Variants in SLC11A1 observed in about 807,000 individuals in gnomAD.
SLC11A1 encodes solute carrier family 11 member 1.
Under a neutral mutation model 63.2 loss-of-function variants are expected in SLC11A1, and 59 were observed. That is an observed-to-expected ratio of 0.93 (90% CI 0.76 to 1.16). The LOEUF is 1.16. SLC11A1 is among the 50% of genes most tolerant of loss of function. SLC11A1 has a pLI of 0.00. For synonymous variants in SLC11A1, 305 were observed against 307.8 expected (o/e 0.99, Z 0.09); for missense variants, 688 against 730.7 (o/e 0.94, Z 0.67).
rs375398198 is a variant in SLC11A1 at position 218,393,010 on chromosome 2, C to T, written c.1194C>T (p.Phe398=). The change falls in exon 12 of 15, where the codon TTC becomes TTT. Residue 398 remains phenylalanine, a synonymous_variant. Coordinates refer to ENST00000233202, the MANE Select transcript of SLC11A1 (RefSeq NM_000578.4). ...EGFLRLRWSR[F]ARVLLTRSCA... is the part of the protein sequence containing the mutation. ...TCCTGAGGCTGCGGTGGTCACGCTT[C>T]GCCCGTGTCCTCCTCACCCGCTCCT... 2.2e-4 allele frequency: 352 copies of T among 1,595,946 alleles called. No individual in the cohort carries two copies. The highest frequency in any genetic ancestry group is 2.8e-4 in the Non-Finnish European group (330 of 1,174,428).
chr2:218,389,919 T>C lies in SLC11A1; in HGVS notation c.845T>C (p.Met282Thr), dbSNP rs1696333108. The C allele has an allele frequency of 6.2e-7, 1 of 1,613,934 alleles. No individual in the cohort carries two copies. The highest frequency in any genetic ancestry group is 1.3e-5 in the African/African-American group (1 of 74,898). Reference protein sequence around the residue: ...ARRADIREANMYFLIEATIAL... With the variant: ...ARRADIREANTYFLIEATIAL... ...CGAGCAGACATCAGAGAAGCCAACA[T>C]GTACTTCCTGATTGAGGCCACCATC... Residue 282 changes from methionine to threonine, a missense_variant, in exon 9 of 15, where the codon ATG becomes ACG. By Grantham distance (81) the Met-to-Thr change is moderately conservative (BLOSUM62 -1). Coordinates refer to ENST00000233202, the MANE Select transcript of SLC11A1 (RefSeq NM_000578.4).
At position 218,384,951 on chromosome 2, in the gene SLC11A1, G is replaced by T; in HGVS notation, c.274-196G>T. On this transcript the variant is annotated intron_variant, in intron 3 of 14. Coordinates refer to ENST00000233202, the MANE Select transcript of SLC11A1 (RefSeq NM_000578.4). This position sits in a 1 kb window ranked among gnomAD's most constrained non-coding sequence, Gnocchi z 4.0. ...TTGCTCAGGCTGCTCTTGAACTCCT[G>T]GACTCAAGCAATCCTCCCACCTTAG... 1.7e-6 allele frequency: 1 copy of T among 590,112 alleles called. No homozygotes were observed. Among genetic ancestry groups the T allele is most frequent in the Non-Finnish European group, 2.9e-6 (1 of 339,614 alleles). 36.6% of individuals were successfully genotyped at this position (590,112 alleles called of 1,614,324 possible). A position where few individuals can be genotyped will look rare whatever the true frequency, so the allele number is the denominator to read the frequency against.
In SLC11A1 at chr2:218,393,019, C is replaced by T. The variant is rs1242071683; in HGVS notation, c.1203C>T (p.Val401=). Reference sequence around the variant, plus strand: ...TGCGGTGGTCACGCTTCGCCCGTGTCCTCCTCACCCGCTCCTGCGCCATCC... The same window carrying T: ...TGCGGTGGTCACGCTTCGCCCGTGTTCTCCTCACCCGCTCCTGCGCCATCC... ...LRLRWSRFAR[V]LLTRSCAILP... The change falls in exon 12 of 15, where the codon GTC becomes GTT. Residue 401 remains valine (V), a synonymous_variant. Coordinates refer to ENST00000233202, the MANE Select transcript of SLC11A1 (RefSeq NM_000578.4). 1.3e-6 allele frequency: 2 copies of T among 1,598,762 alleles called. No individual in the cohort carries two copies. The highest frequency in any genetic ancestry group is 1.7e-6 in the Non-Finnish European group (2 of 1,175,828).
At chr2:218,387,753 G>T (rs754626068) in intron 7 of SLC11A1, 47 bp from the exon 8 acceptor site, 17 of 1,611,992 alleles carry the variant, frequency 1.1e-5, no homozygotes, top group Non-Finnish European at 1.4e-5. Context: ...TGACCGCGGC[G>T]TGGTTGCGAG....
At chr2:218,391,069 AC>A (rs1285763340) in intron 9 of SLC11A1, 128 bp from the exon 10 acceptor site, 1 of 737,932 alleles carries the variant, frequency 1.4e-6, no homozygotes, top group Non-Finnish European at 2.4e-6. Context: ...TGTTAGCCAA[AC>A]AAAATATGTC....
At position 218,384,142 on chromosome 2, in the gene SLC11A1, C is replaced by A; in HGVS notation, c.151-101C>A. ...ATGGGCCATGGAGGGCAGGGCTGGG[C>A]TGATGAGCCTGTTGGGGCTCCTCTA... On this transcript the variant is annotated intron_variant, in intron 2 of 14. Transcript: ENST00000233202. This position sits in a 1 kb window ranked among gnomAD's most constrained non-coding sequence, Gnocchi z 4.0. 7.6e-7 allele frequency: 1 copy of A among 1,318,370 alleles called. No individual in the cohort carries two copies. The highest frequency in any genetic ancestry group is 1.0e-6 in the Non-Finnish European group (1 of 981,480). The allele number at this position is 1,318,370 out of a possible 1,614,324, so 81.7% of individuals were successfully genotyped here.
In SLC11A1 at chr2:218,394,201, C is replaced by A. The variant is rs775740578; in HGVS notation, c.1388+8C>A. On this transcript the variant is annotated splice_region_variant and intron_variant, in intron 13 of 14. Transcript: ENST00000233202. ...GGAGTTTGCCAATGGCCTGTGAGTA[C>A]CCCCTTTCCCAAGTGCTGGATTGCA... is the stretch of plus-strand genomic sequence containing the variant. 4 of 1,613,488 alleles carry A rather than the reference C, an allele frequency of 2.5e-6. No homozygotes were observed. The highest frequency in any genetic ancestry group is 3.4e-6 in the Non-Finnish European group (4 of 1,179,580).
At chr2:218,394,834 G>A in intron 14 of SLC11A1, 49 bp downstream of exon 14, 1 of 1,608,954 alleles carries the variant, frequency 6.2e-7, no homozygotes, top group Non-Finnish European at 8.5e-7. Context: ...GGAAGGACAA[G>A]AGGCAACCAA....
At chr2:218,385,309 A>G in intron 4 of SLC11A1, 43 bp downstream of exon 4, 6 of 1,612,966 alleles carry the variant, frequency 3.7e-6, no homozygotes, top group Non-Finnish European at 5.1e-6. Context: ...CTGGCCCCAA[A>G]CCCCAAACAG....
At chr2:218,382,897 G>A (rs1375992722) in intron 1 of SLC11A1, 63 bp from the exon 2 acceptor site, 38 of 1,604,776 alleles carry the variant, frequency 2.4e-5, no homozygotes, top group South Asian at 6.6e-5. Flanking sequence ...AGGATCAGGC[G>A]GCTTTAACTC....
At position 218,391,472 on chromosome 2, in the gene SLC11A1, T is replaced by C; in HGVS notation, c.1141T>C (p.Tyr381His). 1 of 1,606,688 alleles carries C rather than the reference T, an allele frequency of 6.2e-7. No homozygotes were observed. Among genetic ancestry groups the C allele is most frequent in the East Asian group, 2.2e-5 (1 of 44,496 alleles). The change falls in exon 11 of 15, where the codon TAC (tyrosine) becomes CAC (histidine). Residue 381 changes from tyrosine (Y) to histidine (H), a missense_variant. Transcript: ENST00000233202. ...GCAGAGCTCCACCATGACGGGCACC[T>C]ACGCGGGACAGTTCGTGATGGAGGT... ...AGQSSTMTGT[Y>H]AGQFVMEGFL...
chr2:218,383,138 T>C, intron 2 of SLC11A1, 36 bp downstream of exon 2: 5 of 1,609,110 alleles, frequency 3.1e-6, no homozygotes, highest in Non-Finnish European at 4.2e-6. Flanking sequence ...GCTTGCAAGA[T>C]TGACAGGATC....
chr2:218,394,539 C>T lies in SLC11A1; in HGVS notation c.1389-93C>T. 7.8e-6 allele frequency: 11 copies of T among 1,406,678 alleles called. No individual in the cohort carries two copies. In the South Asian group the frequency reaches 1.4e-4, roughly 18 times the overall value. 87.1% of individuals were successfully genotyped at this position (1,406,678 alleles called of 1,614,324 possible). A position where few individuals can be genotyped will look rare whatever the true frequency, so the allele number is the denominator to read the frequency against. Reference sequence around the variant, plus strand: ...CAGAGAAGCGGCCTCAGTGTATCCCCACCCCCAGTGTGGGCGCTGGGAGAT... The same window carrying T: ...CAGAGAAGCGGCCTCAGTGTATCCCTACCCCCAGTGTGGGCGCTGGGAGAT... On this transcript the variant is annotated intron_variant, in intron 13 of 14. Transcript: ENST00000233202.
rs1696144711 is a variant in SLC11A1, at chr2:218,387,079, T to G, written c.501-81T>G. ...GGGTCCTGCTCCCAGGAGGCCAGAT[T>G]CCTGTCTCCAGCCCTGAGGCTCCGT... On this transcript the variant is annotated intron_variant, in intron 5 of 14. Transcript: ENST00000233202. 5.3e-6 allele frequency: 7 copies of G among 1,318,486 alleles called. 1 individual carries two copies. The highest frequency in any genetic ancestry group is 1.4e-5 in the African/African-American group (1 of 69,010). The allele number at this position is 1,318,486 out of a possible 1,614,324, so 81.7% of individuals were successfully genotyped here.
intron 13 of SLC11A1, 87 bp downstream of exon 13, chr2:218,394,280 A>C: frequency 7.4e-7 from 1 of 1,346,496 alleles, no homozygotes; most frequent in Non-Finnish European, 1.1e-6. Context: ...AATTCTCCCC[A>C]TTATCCCAAT....
chr2:218,389,885 C>T lies in SLC11A1; in HGVS notation c.811C>T (p.Arg271Trp), dbSNP rs765411619. 2.9e-5 allele frequency: 47 copies of T among 1,611,422 alleles called. No individual in the cohort carries two copies. Among genetic ancestry groups the T allele is most frequent in the East Asian group, 1.1e-4 (5 of 44,868 alleles). The stretch of plus-strand genomic sequence containing the variant: ...ATCTTCGTAGTCTCGAGAGATAGAC[C>T]GGGCCCGCCGAGCAGACATCAGAGA... ...SALVKSREIDRARRADIREAN... is the reference protein window; with the variant it reads ...SALVKSREIDWARRADIREAN... The change falls in exon 9 of 15, where the codon CGG (arginine) becomes TGG (tryptophan). Residue 271 changes from arginine to tryptophan, a missense_variant. Transcript: ENST00000233202.
chr2:218,387,923 C>T lies in SLC11A1; in HGVS notation c.763C>T (p.His255Tyr), dbSNP rs1379579937. ...VGIVGAIIMP[H>Y]NIYLHSALVK... ...CATTGTTGGCGCCATCATCATGCCC[C>T]ACAACATCTACCTGCACTCGGCCCT... is the stretch of plus-strand genomic sequence containing the variant. Residue 255 changes from histidine to tyrosine, a missense_variant, in exon 8 of 15, where the codon CAC becomes TAC. Coordinates refer to ENST00000233202, the MANE Select transcript of SLC11A1 (RefSeq NM_000578.4). The T allele has an allele frequency of 1.2e-6, 2 of 1,610,974 alleles. No homozygotes were observed. Among genetic ancestry groups the T allele is most frequent in the Non-Finnish European group, 1.7e-6 (2 of 1,178,888 alleles).
chr2:218,384,236 C>T lies in SLC11A1; in HGVS notation c.151-7C>T, dbSNP rs755683991. The T allele has an allele frequency of 3.8e-6, 6 of 1,591,096 alleles. No homozygotes were observed. The highest frequency in any genetic ancestry group is 1.7e-4 in the Middle Eastern group (1 of 5,910). On this transcript the variant is annotated splice_polypyrimidine_tract_variant and splice_region_variant and intron_variant, in intron 2 of 14. Coordinates refer to ENST00000233202, the MANE Select transcript of SLC11A1 (RefSeq NM_000578.4). This position sits in a 1 kb window ranked among gnomAD's most constrained non-coding sequence, Gnocchi z 4.0. ...CCCCTCACTCTACTCCTCCCACCCC[C>T]CAACAGGGCACCTTCAGCCTGCGGA...
chr2:218,391,333 G>A (rs779547714), intron 10 of SLC11A1, 43 bp from the exon 11 acceptor site: 34 of 1,613,652 alleles, frequency 2.1e-5, no homozygotes, highest in Admixed American at 1.2e-4. Context: ...GAGGCTCCCC[G>A]CCTCGGGCAG....
Sources: gnomAD v4.1 joint callset for allele counts on GRCh38, gnomAD v4.1.1 for gene constraint, Gnocchi (gnomAD v3.1) non-coding constraint, MANE v1.5 for transcripts, NCBI Gene and HGNC (gene_info 2026-07-23, HGNC 2026-07-21) for gene names.